Variants in CCDC6 observed in about 807,000 individuals in gnomAD.
CCDC6 encodes coiled-coil domain containing 6, also known as coiled-coil domain-containing protein 6.
In CCDC6, 20 loss-of-function variants were observed where a neutral mutation model predicts 56.6. The observed-to-expected ratio is 0.35, with a 90% confidence interval of 0.25 to 0.51. The LOEUF is 0.51. Ranked by LOEUF, CCDC6 falls within the 20% of genes least tolerant of loss-of-function variation. CCDC6 has a pLI of 0.95. For missense variants in CCDC6, 367 were observed against 601.1 expected, an observed-to-expected ratio of 0.61 and a Z score of 4.07; for synonymous variants, 241 against 234.4, an observed-to-expected ratio of 1.03 and a Z score of -0.26.
intron 3 of CCDC6, among the ~76,000 whole-genome samples, chr10:59,820,531 C>T (rs900292877): frequency 5.9e-5 from 9 of 152,042 alleles, no homozygotes; most frequent in African/African-American, 1.9e-4. Flanking sequence ...ATAAATAGAA[C>T]ACAGTTTGCC....
At chr10:59,846,251 A>T (rs1367654296) in intron 2 of CCDC6, among the ~76,000 whole-genome samples, 2 of 152,190 alleles carry the variant, frequency 1.3e-5, no homozygotes, top group African/African-American at 4.8e-5. Flanking sequence ...AAGGCAAATG[A>T]AGTGCTAAGC....
At chr10:59,862,501 G>GTGTATATATATATATA in intron 1 of CCDC6, among the ~76,000 whole-genome samples, 1 of 85,068 alleles carries the variant, frequency 1.2e-5, no homozygotes, top group East Asian at 3.8e-4. Context: ...AAAAAAAAAA[G>GTGTATATATATATATA]TATATATATA....
intron 3 of CCDC6, among the ~76,000 whole-genome samples, chr10:59,821,968 C>T (rs1223993111): frequency 1.3e-5 from 2 of 151,982 alleles, no homozygotes; most frequent in African/African-American, 4.8e-5. Flanking sequence ...AACTGAGTTT[C>T]CTAGTATAAT....
At chr10:59,866,034 C>T (rs778232743) in intron 1 of CCDC6, among the ~76,000 whole-genome samples, 4 of 152,038 alleles carry the variant, frequency 2.6e-5, no homozygotes, top group East Asian at 1.9e-4. Context: ...CCTCTCCCCA[C>T]GCCCCATAAT....
In CCDC6 at chr10:59,793,301, C is replaced by A. The variant is rs547718813; in HGVS notation, c.1231-190G>T. Among the ~76,000 whole-genome samples, 93 of 152,328 alleles carry A rather than the reference C, an allele frequency of 6.1e-4. 1 individual carries two copies. The highest frequency in any genetic ancestry group is 2.2e-3 in the African/African-American group (90 of 41,566). ...TTTAAATAAGGCAGTGTTTACACTT[C>A]CACCTATGAAAAAGCTACATAAAAT... On this transcript the variant is annotated intron_variant, in intron 8 of 8. Coordinates refer to ENST00000263102, the MANE Select transcript of CCDC6 (RefSeq NM_005436.5).
intron 1 of CCDC6, among the ~76,000 whole-genome samples, chr10:59,889,362 G>A (rs1356610622): frequency 6.6e-6 from 1 of 152,218 alleles, no homozygotes; most frequent in African/African-American, 2.4e-5. Flanking sequence ...GGCTGCATGG[G>A]ATGCTACAAG....
Position 59,795,597 on chromosome 10 carries a change from A to G in CCDC6, c.1106-1000T>C, listed in dbSNP as rs573747858. On this transcript the variant is annotated intron_variant, in intron 7 of 8. Coordinates refer to ENST00000263102, the MANE Select transcript of CCDC6 (RefSeq NM_005436.5). Reference sequence around the variant, plus strand: ...ATTAACTCGTTATTTAGCATTAGGTATATCTCCTAATGTTATGCCTCTCCC... The same window carrying G: ...ATTAACTCGTTATTTAGCATTAGGTGTATCTCCTAATGTTATGCCTCTCCC... Among the ~76,000 whole-genome samples the G allele has an allele frequency of 4.3e-4, 64 of 149,950 alleles. No homozygotes were observed. The South Asian group carries it at 0.014, about 32-fold the overall frequency.
Position 59,862,516 on chromosome 10 carries a change from TACACACACAC to T in CCDC6, c.304-9824_304-9815del, listed in dbSNP as rs60162547. On this transcript the variant is annotated intron_variant, in intron 1 of 8. Coordinates refer to ENST00000263102, the MANE Select transcript of CCDC6 (RefSeq NM_005436.5). ...AAAAAAAAAAGTATATATATATATA[TACACACACAC>T]ACACACACACACACACACACACACA... 9.7e-3 allele frequency among the ~76,000 whole-genome samples: 945 copies of T among 97,192 alleles called. 76 individuals are homozygous for T. Among genetic ancestry groups the T allele is most frequent in the African/African-American group, 0.034 (699 of 20,286 alleles). The allele number at this position is 97,192 out of a possible 152,430, so 63.8% of individuals were successfully genotyped here.
chr10:59,838,600 A>G (rs1428844907), intron 2 of CCDC6, among the ~76,000 whole-genome samples: 1 of 152,210 alleles, frequency 6.6e-6, no homozygotes, highest in Non-Finnish European at 1.5e-5. Flanking sequence ...CAAAGAATGG[A>G]TGGGTGTAAG....
At chr10:59,817,905 G>A (rs1040800752) in intron 3 of CCDC6, among the ~76,000 whole-genome samples, 8 of 152,076 alleles carry the variant, frequency 5.3e-5, no homozygotes, top group Non-Finnish European at 1.0e-4. Flanking sequence ...GGCTAGTTCC[G>A]TCACACGCAT....
chr10:59,806,454 A>G (rs1198764422), intron 6 of CCDC6: 1 of 152,582 alleles, frequency 6.6e-6, no homozygotes, highest in African/African-American at 2.4e-5. Flanking sequence ...AAAGTTATCA[A>G]GTGTGTTAAG....
intron 1 of CCDC6, among the ~76,000 whole-genome samples, chr10:59,887,572 T>C (rs1226040446): frequency 4.6e-5 from 7 of 151,952 alleles, no homozygotes; most frequent in African/African-American, 1.7e-4. Flanking sequence ...ACGCCACCTT[T>C]TGTGTTAAAG....
chr10:59,886,168 C>T (rs1226711629), intron 1 of CCDC6, among the ~76,000 whole-genome samples: 2 of 152,140 alleles, frequency 1.3e-5, no homozygotes, highest in Admixed American at 6.5e-5. Context: ...ATGGAAAATA[C>T]TGCAGAGTAA....
At chr10:59,795,698 T>C (rs2070510359) in intron 7 of CCDC6, among the ~76,000 whole-genome samples, 1 of 146,546 alleles carries the variant, frequency 6.8e-6, no homozygotes, top group Non-Finnish European at 1.5e-5. Context: ...CATTGTTCAA[T>C]TCCCACCTAT....
At chr10:59,866,488 T>C (rs141669016) in intron 1 of CCDC6, among the ~76,000 whole-genome samples, 1 of 152,342 alleles carries the variant, frequency 6.6e-6, no homozygotes, top group Non-Finnish European at 1.5e-5. Flanking sequence ...TATATGCATA[T>C]ACTCGTATAA....
At chr10:59,870,640 G>A (rs148280370) in intron 1 of CCDC6, among the ~76,000 whole-genome samples, 3 of 152,098 alleles carry the variant, frequency 2.0e-5, no homozygotes, top group African/African-American at 4.8e-5. Flanking sequence ...GGTAGGTGGG[G>A]CTATGGGGCT....
At chr10:59,853,943 T>G (rs888957529) in intron 1 of CCDC6, among the ~76,000 whole-genome samples, 53 of 152,186 alleles carry the variant, frequency 3.5e-4, no homozygotes, top group Admixed American at 7.9e-4. Flanking sequence ...TTGAAGGAAA[T>G]TAATCTTTTG....
Position 59,882,541 on chromosome 10 carries a change from CCG to C in CCDC6, c.303+23579_303+23580del, listed in dbSNP as rs368955959. On this transcript the variant is annotated intron_variant, in intron 1 of 8. Coordinates refer to ENST00000263102, the MANE Select transcript of CCDC6 (RefSeq NM_005436.5). The stretch of plus-strand genomic sequence containing the variant: ...AGCCAGGGGGAGAAGGAAAGGAAAG[CCG>C]CGGGGAGAAGGAAAGGAAAGCCGCG... 1.2e-3 allele frequency among the ~76,000 whole-genome samples: 47 copies of C among 40,460 alleles called. 2 individuals carry two copies. The highest frequency in any genetic ancestry group is 1.5e-3 in the East Asian group (2 of 1,306). 26.5% of individuals were successfully genotyped at this position (40,460 alleles called of 152,430 possible).
intron 1 of CCDC6, among the ~76,000 whole-genome samples, chr10:59,896,595 AAAAAACAAAC>A (rs1251390651): frequency 1.3e-5 from 2 of 152,126 alleles, no homozygotes; most frequent in Admixed American, 1.3e-4. Flanking sequence ...TCTTTAAAAA[AAAAAACAAAC>A]AAAAACAAGA....
Sources: allele counts gnomAD v4.1 joint callset (sites outside exome capture counted in the v4.1 genomes callset), GRCh38; gene constraint gnomAD v4.1.1; transcripts MANE v1.5; gene names NCBI Gene and HGNC (gene_info 2026-07-23, HGNC 2026-07-21).